Variants in MPDZ observed in about 807,000 individuals in gnomAD.
MPDZ encodes the protein multiple PDZ domain protein.
A neutral mutation model predicts 239.1 loss-of-function variants in MPDZ; 234 were observed. The observed-to-expected ratio is 0.98, with a 90% CI of 0.88 to 1.09. The LOEUF (loss-of-function observed/expected upper bound fraction) is 1.09, where lower values mean the gene tolerates loss of function less well. Ranked by LOEUF, MPDZ falls within the 50% of genes least tolerant of loss-of-function variation. MPDZ has a pLI of 0.00. For missense variants in MPDZ, 3,175 were observed against 2,510.0 expected (o/e 1.26, Z -5.66); for synonymous variants, 1,048 against 881.3 (o/e 1.19, Z -3.35).
chr9:13,258,115 T>C lies in MPDZ; in HGVS notation c.-57-7743A>G, dbSNP rs564177243. 1.7e-4 allele frequency among the ~76,000 whole-genome samples: 26 copies of C among 152,302 alleles called. 1 individual carries two copies. The South Asian group carries it at 2.5e-3, about 15-fold the overall frequency. On this transcript the variant is annotated intron_variant, in intron 1 of 46. Coordinates refer to ENST00000319217, the MANE Select transcript of MPDZ (RefSeq NM_001378778.1). Reference sequence around the variant, plus strand: ...GGGGATAAAAATAAAACAGAATATTTGGTATTATTTAGAAATAGGAACTGA... The same window carrying C: ...GGGGATAAAAATAAAACAGAATATTCGGTATTATTTAGAAATAGGAACTGA...
At chr9:13,250,666 A>G (rs1390535645) in intron 1 of MPDZ, among the ~76,000 whole-genome samples, 1 of 152,214 alleles carries the variant, frequency 6.6e-6, no homozygotes, top group East Asian at 1.9e-4. Context: ...TTCTCAGTAC[A>G]GACCACTATA....
At chr9:13,216,503 A>C (rs990656658) in intron 10 of MPDZ, among the ~76,000 whole-genome samples, 3 of 151,910 alleles carry the variant, frequency 2.0e-5, no homozygotes, top group Non-Finnish European at 4.4e-5. Context: ...TATTAATGTA[A>C]TAAATTCATT....
At chr9:13,273,278 T>C (rs1389557681) in intron 1 of MPDZ, among the ~76,000 whole-genome samples, 1 of 152,206 alleles carries the variant, frequency 6.6e-6, no homozygotes, top group African/African-American at 2.4e-5. Context: ...ACTGGACATA[T>C]CTTAAATATA....
At position 13,186,347 on chromosome 9, in the gene MPDZ, A is replaced by T. The variant is rs752836151; in HGVS notation, c.2404T>A (p.Ser802Thr). The T allele has an allele frequency of 6.3e-7, 1 of 1,590,770 alleles. No homozygotes were observed. Among genetic ancestry groups the T allele is most frequent in the Non-Finnish European group, 8.6e-7 (1 of 1,167,874 alleles). The change falls in exon 18 of 47, where the codon TCC becomes ACC. Residue 802 changes from serine (S) to threonine (T), a missense_variant. Transcript: ENST00000319217. Reference protein sequence around the residue: ...EEGYVSAKEDSFLYPPHSCEE... With the variant: ...EEGYVSAKEDTFLYPPHSCEE... ...CAGGAGTGTGGTGGGTAGAGAAAGG[A>T]ATCCTCCTTAGCAGAAACATAACCT...
intron 41 of MPDZ, among the ~76,000 whole-genome samples, chr9:13,113,578 G>T (rs925760164): frequency 1.3e-5 from 2 of 152,014 alleles, no homozygotes; most frequent in Non-Finnish European, 2.9e-5. Flanking sequence ...TCAAATTTTT[G>T]CAATCTTCAT....
intron 1 of MPDZ, among the ~76,000 whole-genome samples, chr9:13,256,254 G>A (rs1969408605): frequency 6.6e-6 from 1 of 152,194 alleles, no homozygotes; most frequent in South Asian, 2.1e-4. Flanking sequence ...GTAAGGGAAT[G>A]TTGTGGCTGA....
chr9:13,248,589 A>C (rs1200606588), intron 2 of MPDZ, among the ~76,000 whole-genome samples: 1 of 152,052 alleles, frequency 6.6e-6, no homozygotes, highest in African/African-American at 2.4e-5. Flanking sequence ...TTTTTTAATG[A>C]AGACTGTTCA....
chr9:13,116,357 G>A (rs1001955252), intron 39 of MPDZ, among the ~76,000 whole-genome samples: 5 of 152,076 alleles, frequency 3.3e-5, no homozygotes, highest in Admixed American at 6.6e-5. Flanking sequence ...ATCATTATAG[G>A]TTGTTGAGAT....
chr9:13,231,659 T>C (rs1030540121), intron 3 of MPDZ, among the ~76,000 whole-genome samples: 17 of 151,246 alleles, frequency 1.1e-4, no homozygotes, highest in African/African-American at 4.1e-4. Flanking sequence ...GTTTAGAGAG[T>C]TTCACTGGTA....
Position 13,216,371 on chromosome 9 carries a change from C to T in MPDZ, c.1290+403G>A, listed in dbSNP as rs142130885. Among the ~76,000 whole-genome samples, 707 of 147,306 alleles carry T rather than the reference C, an allele frequency of 4.8e-3. 5 individuals carry two copies. The highest frequency in any genetic ancestry group is 0.016 in the African/African-American group (628 of 40,170). ...GCCATAAAGCCAACAATAACAGTATCATTCTGCTGATTAAAAAAAAAAAAA... is the reference window on the plus strand; with the variant it reads ...GCCATAAAGCCAACAATAACAGTATTATTCTGCTGATTAAAAAAAAAAAAA... On this transcript the variant is annotated intron_variant, in intron 10 of 46. Transcript: ENST00000319217.
intron 1 of MPDZ, among the ~76,000 whole-genome samples, chr9:13,252,463 G>C (rs1404181029): frequency 6.6e-6 from 1 of 151,316 alleles, no homozygotes; most frequent in South Asian, 2.1e-4. Flanking sequence ...CTACTCAGGA[G>C]TCTGAGACAG....
chr9:13,138,279 T>G, intron 28 of MPDZ, 126 bp from the exon 29 acceptor site: 2 of 1,081,188 alleles, frequency 1.8e-6, no homozygotes, highest in Non-Finnish European at 2.5e-6. Context: ...GCTTTGACAG[T>G]TAAAAGCTAA....
Position 13,217,257 on chromosome 9 carries a change from G to C in MPDZ, c.1124C>G (p.Thr375Arg), listed in dbSNP as rs368833447. 1 of 1,602,376 alleles carries C rather than the reference G, an allele frequency of 6.2e-7. No individual in the cohort carries two copies. Among genetic ancestry groups the C allele is most frequent in the African/African-American group, 1.3e-5 (1 of 74,516 alleles). ...ASTQKGEESE[T>R]FDVELTKNVQ... ...ATTTTTAGTGAGTTCTACATCAAATGTCTCACTTTCTTCACCTTTCTGAGT... is the reference window on the plus strand; with the variant it reads ...ATTTTTAGTGAGTTCTACATCAAATCTCTCACTTTCTTCACCTTTCTGAGT... Residue 375 changes from threonine (T) to arginine (R), a missense_variant, in exon 9 of 47, where the codon ACA (threonine) becomes AGA (arginine). By Grantham distance (71) the Thr-to-Arg change is moderately conservative. Coordinates refer to ENST00000319217, the MANE Select transcript of MPDZ (RefSeq NM_001378778.1).
chr9:13,168,680 CAAT>C (rs1446590219), intron 21 of MPDZ, 116 bp from the exon 22 acceptor site: 3 of 798,088 alleles, frequency 3.8e-6, no homozygotes, highest in Admixed American at 6.5e-5. Context: ...ACATTTCAGT[CAAT>C]AAAAAGCATA....
At chr9:13,267,584 T>C (rs1366889598) in intron 1 of MPDZ, among the ~76,000 whole-genome samples, 2 of 152,206 alleles carry the variant, frequency 1.3e-5, no homozygotes, top group African/African-American at 4.8e-5. Flanking sequence ...AGAAATGAAT[T>C]TGAAAATTGC....
chr9:13,216,818 C>T lies in MPDZ; in HGVS notation c.1246G>A (p.Val416Ile), dbSNP rs753084316. 34 of 1,610,056 alleles carry T rather than the reference C, an allele frequency of 2.1e-5. No homozygotes were observed. The highest frequency in any genetic ancestry group is 8.4e-5 in the Admixed American group (5 of 59,694). ...ATTTGGATTCTTCCATCATGCTCAA[C>T]GGCACTGCTTTTTGTAATGCTCTTT... ...FVKSITKSSA[V>I]EHDGRIQIGD... The change falls in exon 10 of 47, where the codon GTT becomes ATT. Residue 416 changes from valine (V) to isoleucine (I), a missense_variant. Transcript: ENST00000319217.
At chr9:13,189,069 T>A in intron 16 of MPDZ, 76 bp from the exon 17 acceptor site, 2 of 1,259,144 alleles carry the variant, frequency 1.6e-6, no homozygotes, top group Non-Finnish European at 2.2e-6. Context: ...CTCTAAATCG[T>A]AACGAATGAG....
chr9:13,146,699 C>G (rs559839671), intron 26 of MPDZ, among the ~76,000 whole-genome samples: 1 of 151,864 alleles, frequency 6.6e-6, no homozygotes, highest in South Asian at 2.1e-4. Context: ...TTCTAAAGAA[C>G]TTTCAAAGGG....
intron 3 of MPDZ, among the ~76,000 whole-genome samples, chr9:13,229,963 T>A (rs959084008): frequency 6.6e-6 from 1 of 152,026 alleles, no homozygotes; most frequent in Non-Finnish European, 1.5e-5. Flanking sequence ...GACTCATATC[T>A]AGAATATATA....
Sources: allele counts gnomAD v4.1 joint callset (sites outside exome capture counted in the v4.1 genomes callset), GRCh38; gene constraint gnomAD v4.1.1; transcripts MANE v1.5; gene names NCBI Gene and HGNC (gene_info 2026-07-23, HGNC 2026-07-21).